ZNF695: variants seen among roughly 807,000 people sequenced by gnomAD.
ZNF695 encodes the protein zinc finger protein 695.
ZNF695 carries 11 observed loss-of-function variants against 11.2 expected under a neutral mutation model. The ratio of observed to expected loss-of-function variants is 0.98; its 90% CI spans 0.62 to 1.62. The LOEUF is 1.62. Among genes scored for constraint, ZNF695 ranks in the 40% most tolerant of loss-of-function variants. ZNF695 has a pLI of 0.00. For synonymous variants in ZNF695, 190 were observed against 201.4 expected, an observed-to-expected ratio of 0.94 and a Z score of 0.48; for missense variants, 559 against 590.5, an observed-to-expected ratio of 0.95 and a Z score of 0.55.
intron 3 of ZNF695, 113 bp from the exon 4 acceptor site, chr1:246,988,368 G>C (rs917199090): frequency 8.7e-5 from 66 of 755,614 alleles, no homozygotes; most frequent in Non-Finnish European, 1.2e-4. Context: ...AAATACCACA[G>C]GCCCTTATTC....
chr1:247,000,083 GA>G lies in ZNF695; in HGVS notation c.4-10del. On this transcript the variant is annotated splice_polypyrimidine_tract_variant and intron_variant, in intron 1 of 3. Coordinates refer to ENST00000339986, the MANE Select transcript of ZNF695 (RefSeq NM_020394.5). Reference sequence around the variant, plus strand: ...CTGAATGCCAATAGTCCCTGAAAAAGAAAACATATTTACCAAGTGGTCACGG... The same window carrying G: ...CTGAATGCCAATAGTCCCTGAAAAAGAAACATATTTACCAAGTGGTCACGG... The G allele has an allele frequency of 6.3e-7, 1 of 1,596,412 alleles. No individual in the cohort carries two copies. The highest frequency in any genetic ancestry group is 1.7e-4 in the Middle Eastern group (1 of 5,948).
chr1:246,981,101 C>A (rs1312601268), downstream of ZNF695, among the ~76,000 whole-genome samples: 1 of 152,034 alleles, frequency 6.6e-6, no homozygotes, highest in Non-Finnish European at 1.5e-5. Flanking sequence ...TTTCAAAAGA[C>A]CTACAAATGA....
intron 5 of ZNF695, chr1:246,967,468 G>T (rs1001736189): frequency 6.6e-6 from 3 of 455,238 alleles, no homozygotes; most frequent in Middle Eastern, 6.5e-4. Context: ...ATGAATGGGG[G>T]ATAAAAGAGA....
intron 5 of ZNF695, among the ~76,000 whole-genome samples, chr1:246,945,990 G>A (rs200408255): frequency 2.6e-5 from 2 of 75,966 alleles, no homozygotes; most frequent in South Asian, 6.4e-4. Flanking sequence ...GAGCCACTGC[G>A]CCCAGCCTCT....
chr1:246,954,872 G>A (rs1042048735), intron 5 of ZNF695, among the ~76,000 whole-genome samples: 2 of 152,142 alleles, frequency 1.3e-5, no homozygotes, highest in African/African-American at 4.8e-5. Flanking sequence ...ATCATTGAGT[G>A]TACTTACACA....
At chr1:246,963,125 C>T (rs141016126) in intron 5 of ZNF695, among the ~76,000 whole-genome samples, 44 of 152,336 alleles carry the variant, frequency 2.9e-4, no homozygotes, top group African/African-American at 1.0e-3. Context: ...TGTCACACTC[C>T]TTCTGCCTTT....
chr1:247,000,497 A>AAAATAAATAAATAAAC (rs1669332200), intron 1 of ZNF695, among the ~76,000 whole-genome samples: 1 of 152,204 alleles, frequency 6.6e-6, no homozygotes, highest in African/African-American at 2.4e-5. Context: ...CTCTGTCTCA[A>AAAATAAATAAATAAAC]AAATAAATAA....
At chr1:246,989,010 C>G (rs777658562) in intron 3 of ZNF695, among the ~76,000 whole-genome samples, 1 of 150,288 alleles carries the variant, frequency 6.7e-6, no homozygotes, top group African/African-American at 2.5e-5. Context: ...AGAAGAATAG[C>G]GTGAACCCGG....
chr1:246,998,877 G>A (rs1255289121), intron 3 of ZNF695, among the ~76,000 whole-genome samples: 1 of 151,946 alleles, frequency 6.6e-6, no homozygotes, highest in African/African-American at 2.4e-5. Context: ...CTGAGGCAGG[G>A]GAATCGCTTG....
intron 3 of ZNF695, among the ~76,000 whole-genome samples, chr1:246,992,089 G>A (rs551670914): frequency 1.3e-4 from 20 of 152,110 alleles, no homozygotes; most frequent in East Asian, 1.9e-4. Flanking sequence ...GCGTCAACCC[G>A]GGAGGCGGAG....
At chr1:246,966,907 A>G (rs1248041762) in intron 5 of ZNF695, 1 of 447,552 alleles carries the variant, frequency 2.2e-6, no homozygotes, top group Non-Finnish European at 4.5e-6. Flanking sequence ...GGAGTTACAT[A>G]TTAAATAAAT....
At chr1:246,980,849 C>G (rs1380511128), downstream of ZNF695, among the ~76,000 whole-genome samples, 1 of 152,130 alleles carries the variant, frequency 6.6e-6, no homozygotes, top group Non-Finnish European at 1.5e-5. Context: ...TGACATTAGT[C>G]TGGGCAATAA....
intron 5 of ZNF695, among the ~76,000 whole-genome samples, chr1:246,956,979 GA>G (rs1428144124): frequency 2.0e-5 from 3 of 151,816 alleles, no homozygotes; most frequent in Admixed American, 6.6e-5. Context: ...GGTTCAGTAA[GA>G]AAAAAAGAGA....
intron 4 of ZNF695, among the ~76,000 whole-genome samples, chr1:246,969,987 C>T (rs557790367): frequency 3.9e-5 from 6 of 152,266 alleles, no homozygotes; most frequent in African/African-American, 7.2e-5. Context: ...TGGGTGGGAA[C>T]GCAGAGCCAA....
intron 5 of ZNF695, among the ~76,000 whole-genome samples, chr1:246,948,063 G>A (rs546579381): frequency 6.6e-6 from 1 of 151,908 alleles, no homozygotes; most frequent in Admixed American, 6.6e-5. Flanking sequence ...GAGTGACGTC[G>A]TTGACCTTTT....
At chr1:246,981,953 G>C (rs1381280619), downstream of ZNF695, among the ~76,000 whole-genome samples, 1 of 152,102 alleles carries the variant, frequency 6.6e-6, no homozygotes, top group African/African-American at 2.4e-5. Flanking sequence ...AAGTTCCCAA[G>C]ATTGCAAAAA....
At chr1:246,993,667 A>G (rs1312302327) in intron 3 of ZNF695, among the ~76,000 whole-genome samples, 1 of 152,224 alleles carries the variant, frequency 6.6e-6, no homozygotes, top group Non-Finnish European at 1.5e-5. Flanking sequence ...AGCAACCCTA[A>G]AGAAATGGAG....
chr1:246,970,892 G>A (rs536613682), intron 4 of ZNF695, among the ~76,000 whole-genome samples: 7 of 152,292 alleles, frequency 4.6e-5, no homozygotes, highest in South Asian at 2.1e-4. Context: ...TCAGCCTCCC[G>A]AGTAGCTGGG....
At chr1:246,969,718 G>A (rs1006245040) in intron 4 of ZNF695, 6 of 152,204 alleles carry the variant, frequency 3.9e-5, no homozygotes, top group Non-Finnish European at 5.9e-5. Context: ...GGGTTCTGTG[G>A]GCTGTACAGG....
Sources: gnomAD v4.1 joint callset for allele counts (sites outside exome capture counted in the v4.1 genomes callset) on GRCh38, gnomAD v4.1.1 for gene constraint, MANE v1.5 for transcripts, NCBI Gene and HGNC (gene_info 2026-07-23, HGNC 2026-07-21) for gene names.